The following RASSF8 variants were observed in gnomAD, a reference collection of about 807,000 sequenced individuals.
The protein encoded by RASSF8 is Ras association domain family member 8, also known as ras association domain-containing protein 8.
RASSF8 carries 22 observed loss-of-function variants against 48.5 expected under a neutral mutation model. That is an observed-to-expected ratio of 0.45 (90% CI 0.32 to 0.65). The LOEUF (loss-of-function observed/expected upper bound fraction) is 0.65. Ranked by LOEUF, RASSF8 falls within the 30% of genes least tolerant of loss-of-function variation. The probability of loss-of-function intolerance (pLI) is 0.03; values close to 1 mark genes in which losing one functional copy is unlikely to be tolerated. For missense variants in RASSF8, 418 were observed against 489.2 expected (o/e 0.85, Z 1.37); for synonymous variants, 127 against 171.5 (o/e 0.74, Z 2.03).
At chr12:26,077,036 T>C (rs1227003888), downstream of RASSF8, among the ~76,000 whole-genome samples, 42 of 152,380 alleles carry the variant, frequency 2.8e-4, no homozygotes, top group Non-Finnish European at 1.0e-4. Context: ...CATTTTTTCA[T>C]GTGTCTGTTG....
rs116885710 is a variant in RASSF8 at position 26,071,702 on chromosome 12, C to G, written c.*2884C>G. ...CTTCAGTTGGTATTAATAGGAGTTA[C>G]CTATTTAATTCTCCCAGTCATCAAT... On this transcript the variant is annotated 3_prime_UTR_variant, in exon 6 of 6. Transcript: ENST00000689635. 1.0e-6 allele frequency: 1 copy of G among 982,624 alleles called. No homozygotes were observed. The highest frequency in any genetic ancestry group is 1.1e-4 in the East Asian group (1 of 8,804). The allele number at this position is 982,624 out of a possible 1,614,324, so 60.9% of individuals were successfully genotyped here.
At chr12:25,984,323 C>T (rs1393541626) in intron 1 of RASSF8, among the ~76,000 whole-genome samples, 1 of 149,410 alleles carries the variant, frequency 6.7e-6, no homozygotes, top group Non-Finnish European at 1.5e-5. Context: ...AAGCCATCCT[C>T]CTGCTTCAGC....
chr12:26,004,425 G>A (rs1942335829), intron 2 of RASSF8, among the ~76,000 whole-genome samples: 1 of 152,148 alleles, frequency 6.6e-6, no homozygotes, highest in South Asian at 2.1e-4. Context: ...CACACAACAT[G>A]GGGGTTAGGG....
At chr12:26,034,249 G>C (rs967031673) in intron 2 of RASSF8, among the ~76,000 whole-genome samples, 1 of 152,076 alleles carries the variant, frequency 6.6e-6, no homozygotes, top group African/African-American at 2.4e-5. Context: ...GGAGTGAGGG[G>C]AGATGTGTCA....
In RASSF8 at chr12:26,060,445, T is replaced by C. The variant is rs562440087; in HGVS notation, c.104-4053T>C. Among the ~76,000 whole-genome samples, 472 of 152,304 alleles carry C rather than the reference T, an allele frequency of 3.1e-3. 3 individuals are homozygous for C. Among genetic ancestry groups the C allele is most frequent in the African/African-American group, 0.011 (455 of 41,570 alleles). ...GAACTTAAATAGTATAGTAAAAAAA[T>C]AACTAAATGTCATCAGAAAATTACT... On this transcript the variant is annotated intron_variant, in intron 3 of 5. Coordinates refer to ENST00000689635, the MANE Select transcript of RASSF8 (RefSeq NM_001394098.1).
At chr12:26,038,273 A>G (rs770778616) in intron 2 of RASSF8, among the ~76,000 whole-genome samples, 14 of 152,206 alleles carry the variant, frequency 9.2e-5, no homozygotes, top group Non-Finnish European at 1.8e-4. Context: ...ACTAGATGAA[A>G]TACAATGAAG....
At chr12:26,074,196 A>G (rs1944050126), downstream of RASSF8, among the ~76,000 whole-genome samples, 1 of 152,120 alleles carries the variant, frequency 6.6e-6, no homozygotes, top group South Asian at 2.1e-4. Flanking sequence ...CTCTCCACAT[A>G]CGTGTGCTGT....
In RASSF8 at chr12:25,988,080, C is replaced by T. The variant is rs570271788; in HGVS notation, c.-202-6957C>T. 1.1e-4 allele frequency among the ~76,000 whole-genome samples: 16 copies of T among 150,434 alleles called. 1 individual carries two copies. Among genetic ancestry groups the T allele is most frequent in the African/African-American group, 3.7e-4 (15 of 40,858 alleles). On this transcript the variant is annotated intron_variant, in intron 1 of 5. Coordinates refer to ENST00000689635, the MANE Select transcript of RASSF8 (RefSeq NM_001394098.1). ...GTTTCACCATGCTGGCCAGGCTGGT[C>T]TCAAACTCCTGACCTCGTGATCTGC...
At chr12:25,960,862 A>T (rs896108189) in intron 1 of RASSF8, among the ~76,000 whole-genome samples, 6 of 152,220 alleles carry the variant, frequency 3.9e-5, no homozygotes, top group African/African-American at 1.4e-4. Context: ...ACTTTGCAGA[A>T]GTGTCAGTGT....
intron 2 of RASSF8, among the ~76,000 whole-genome samples, chr12:26,051,225 G>T (rs531612231): frequency 1.3e-5 from 2 of 152,132 alleles, no homozygotes; most frequent in Non-Finnish European, 2.9e-5. Flanking sequence ...GAAACATGGT[G>T]CATGGTGCCT....
At chr12:25,963,365 A>G (rs1941283895) in intron 1 of RASSF8, among the ~76,000 whole-genome samples, 1 of 149,892 alleles carries the variant, frequency 6.7e-6, no homozygotes. Flanking sequence ...TTCCAAGGCC[A>G]AGGAAGGCTT....
At chr12:26,005,854 C>G (rs1278389809) in intron 2 of RASSF8, among the ~76,000 whole-genome samples, 1 of 152,212 alleles carries the variant, frequency 6.6e-6, no homozygotes, top group Non-Finnish European at 1.5e-5. Context: ...AAAAACTTGT[C>G]TTGAACCTCC....
intron 1 of RASSF8, among the ~76,000 whole-genome samples, chr12:25,987,458 A>C (rs1941913545): frequency 6.6e-6 from 1 of 152,204 alleles, no homozygotes; most frequent in South Asian, 2.1e-4. Context: ...GGATGCTTTA[A>C]TTCCATACTA....
chr12:25,998,515 A>G (rs2136971684), intron 2 of RASSF8, among the ~76,000 whole-genome samples: 1 of 152,024 alleles, frequency 6.6e-6, no homozygotes, highest in South Asian at 2.1e-4. Flanking sequence ...ACTCCTGGCT[A>G]ATTTTGTATT....
At chr12:26,052,546 T>G (rs1268238346) in intron 2 of RASSF8, 1 of 152,158 alleles carries the variant, frequency 6.6e-6, no homozygotes, top group Non-Finnish European at 1.5e-5. Context: ...GGAGTGTCCT[T>G]TTGCTTCCTA....
chr12:26,053,720 G>A (rs562400141), intron 2 of RASSF8, among the ~76,000 whole-genome samples: 2 of 152,316 alleles, frequency 1.3e-5, no homozygotes, highest in South Asian at 4.1e-4. Context: ...CATTGCCAAG[G>A]TGGCCCCTTC....
intron 2 of RASSF8, among the ~76,000 whole-genome samples, chr12:26,017,951 G>A (rs1565620830): frequency 6.6e-6 from 1 of 152,214 alleles, no homozygotes; most frequent in African/African-American, 2.4e-5. Context: ...AGTCTTTCAT[G>A]GTGAAAAACC....
intron 1 of RASSF8, among the ~76,000 whole-genome samples, chr12:25,968,583 A>G (rs1459609869): frequency 6.6e-6 from 1 of 152,108 alleles, no homozygotes; most frequent in African/African-American, 2.4e-5. Context: ...ACCTCAGGTA[A>G]TCCACCCGCC....
chr12:26,067,535 C>T, intron 4 of RASSF8, 34 bp from the exon 5 acceptor site: 6 of 1,559,786 alleles, frequency 3.8e-6, no homozygotes, highest in South Asian at 1.2e-5. Flanking sequence ...AGTAGTGAAT[C>T]CTCAAATTTA....
Sources: allele counts gnomAD v4.1 joint callset (sites outside exome capture counted in the v4.1 genomes callset), GRCh38; gene constraint gnomAD v4.1.1; transcripts MANE v1.5; gene names NCBI Gene and HGNC (gene_info 2026-07-23, HGNC 2026-07-21).